DOCK2: variants seen among roughly 807,000 people sequenced by gnomAD.
The protein encoded by DOCK2 is dedicator of cytokinesis 2.
In DOCK2, 87 loss-of-function variants were observed where a neutral mutation model predicts 248.9. The ratio of observed to expected loss-of-function variants is 0.35; its 90% confidence interval spans 0.29 to 0.42. The LOEUF is 0.42. Ranked by LOEUF, DOCK2 falls within the 10% of genes least tolerant of loss-of-function variation. The pLI is 1.00. For missense variants in DOCK2, 1,747 were observed against 2,300.2 expected, an observed-to-expected ratio of 0.76 and a Z score of 4.92; for synonymous variants, 805 against 821.6, an observed-to-expected ratio of 0.98 and a Z score of 0.35.
chr5:170,065,123 G>T (rs1187792408), intron 44 of DOCK2, among the ~76,000 whole-genome samples: 1 of 152,136 alleles, frequency 6.6e-6, no homozygotes, highest in African/African-American at 2.4e-5. Context: ...TAAAACATGG[G>T]AGGAGAGGGA....
chr5:169,740,164 A>ATTACC (rs758927337), intron 22 of DOCK2, among the ~76,000 whole-genome samples: 40 of 152,366 alleles, frequency 2.6e-4, no homozygotes, highest in Non-Finnish European at 4.4e-4. Context: ...AGTTCTTTTC[A>ATTACC]GGCTTTTTCC....
At chr5:169,673,768 T>C (rs1195680146) in intron 5 of DOCK2, among the ~76,000 whole-genome samples, 1 of 152,178 alleles carries the variant, frequency 6.6e-6, no homozygotes, top group Non-Finnish European at 1.5e-5. Flanking sequence ...AACTGCAACT[T>C]TCTCTTTCCC....
Position 169,832,046 on chromosome 5 carries a change from A to G in DOCK2, c.2704-8711A>G, listed in dbSNP as rs542367247. Among the ~76,000 whole-genome samples the G allele has an allele frequency of 5.3e-5, 8 of 152,308 alleles. No individual in the cohort carries two copies. In the East Asian group the frequency reaches 1.5e-3, roughly 29 times the overall value. ...ACTTCTGATCATGGAAGGAGCATGCAATTAGGCAGAAATGAGCTTAGGTTC... is the reference window on the plus strand; with the variant it reads ...ACTTCTGATCATGGAAGGAGCATGCGATTAGGCAGAAATGAGCTTAGGTTC... On this transcript the variant is annotated intron_variant, in intron 26 of 51. Transcript: ENST00000520908.
chr5:169,798,381 C>T (rs1232291547), intron 25 of DOCK2, among the ~76,000 whole-genome samples: 5 of 152,118 alleles, frequency 3.3e-5, no homozygotes, highest in East Asian at 1.9e-4. Context: ...CAGACTTTCC[C>T]GTGAAAAATC....
intron 25 of DOCK2, among the ~76,000 whole-genome samples, chr5:169,788,779 A>C (rs1030357539): frequency 1.3e-5 from 2 of 152,220 alleles, no homozygotes; most frequent in African/African-American, 4.8e-5. Flanking sequence ...ATTTCATAGG[A>C]GTACAATTGT....
chr5:170,064,438 T>C (rs892923418), intron 44 of DOCK2, among the ~76,000 whole-genome samples: 3 of 151,426 alleles, frequency 2.0e-5, no homozygotes, highest in Admixed American at 6.6e-5. Context: ...ACAGAAATCA[T>C]AGAGCTTAGG....
At chr5:169,736,359 GT>G (rs1763042838) in intron 22 of DOCK2, among the ~76,000 whole-genome samples, 1 of 152,214 alleles carries the variant, frequency 6.6e-6, no homozygotes, top group Admixed American at 6.5e-5. Context: ...AAGCTCACCT[GT>G]TTGGGTCAGG....
At chr5:169,761,704 A>G in intron 25 of DOCK2, 79 bp downstream of exon 25, 1 of 1,170,794 alleles carries the variant, frequency 8.5e-7, no homozygotes, top group Non-Finnish European at 1.3e-6. Context: ...TTGGCAGGAG[A>G]GGGCAACCTG....
intron 27 of DOCK2, among the ~76,000 whole-genome samples, chr5:169,872,500 C>T (rs1040550415): frequency 6.6e-6 from 1 of 152,214 alleles, no homozygotes; most frequent in African/African-American, 2.4e-5. Context: ...GGCAAGTCTA[C>T]CCCTTCTCCT....
chr5:169,747,988 G>A (rs1311855556), intron 23 of DOCK2, among the ~76,000 whole-genome samples: 1 of 152,206 alleles, frequency 6.6e-6, no homozygotes, highest in African/African-American at 2.4e-5. Flanking sequence ...TTGGGAAGGA[G>A]TTGAGCAGCT....
chr5:169,754,242 C>T (rs1764069983), intron 23 of DOCK2, among the ~76,000 whole-genome samples: 1 of 152,178 alleles, frequency 6.6e-6, no homozygotes, highest in Non-Finnish European at 1.5e-5. Context: ...TATGTTTAAA[C>T]ACTTGCCGTT....
intron 26 of DOCK2, among the ~76,000 whole-genome samples, chr5:169,828,839 G>A (rs921779439): frequency 6.6e-6 from 1 of 152,156 alleles, no homozygotes; most frequent in African/African-American, 2.4e-5. Flanking sequence ...TAAAATCATG[G>A]CGATTACTTA....
At chr5:169,725,817 C>T (rs1342063211) in intron 22 of DOCK2, among the ~76,000 whole-genome samples, 2 of 152,136 alleles carry the variant, frequency 1.3e-5, no homozygotes, top group Non-Finnish European at 2.9e-5. Context: ...TCATTCATGT[C>T]CCTGCAAAGG....
chr5:169,669,224 A>T, intron 2 of DOCK2, 64 bp from the exon 3 acceptor site: 1 of 1,603,114 alleles, frequency 6.2e-7, no homozygotes, highest in Middle Eastern at 1.7e-4. Flanking sequence ...AAAACAAAAC[A>T]GAAAAACACT....
chr5:169,892,137 T>C (rs1773332448), intron 27 of DOCK2, among the ~76,000 whole-genome samples: 1 of 152,174 alleles, frequency 6.6e-6, no homozygotes, highest in Non-Finnish European at 1.5e-5. Flanking sequence ...AAATCCAAGC[T>C]TAAGCACAAT....
At chr5:169,884,702 T>C (rs1772868004) in intron 27 of DOCK2, 1 of 152,450 alleles carries the variant, frequency 6.6e-6, no homozygotes. Context: ...GAAGTTCACA[T>C]GTGGGCACGG....
chr5:169,820,265 G>A (rs1259126573), intron 26 of DOCK2, among the ~76,000 whole-genome samples: 1 of 152,226 alleles, frequency 6.6e-6, no homozygotes, highest in Admixed American at 6.5e-5. Context: ...CAGCTTTGAA[G>A]AGAGTAGTGG....
rs1447065402 is a variant in DOCK2, at chr5:169,879,205, T to A, written c.2799+38353T>A. Among the ~76,000 whole-genome samples the A allele has an allele frequency of 2.6e-5, 4 of 152,198 alleles. No individual in the cohort carries two copies. The East Asian group carries it at 7.7e-4, about 29-fold the overall frequency. The stretch of plus-strand genomic sequence containing the variant: ...CAATCCATCATGCGCTGGATCATGC[T>A]GCTTTATGTACAGTGACATGCACTG... On this transcript the variant is annotated intron_variant, in intron 27 of 51. Transcript: ENST00000520908.
At chr5:169,948,032 C>A (rs1776514694) in intron 27 of DOCK2, among the ~76,000 whole-genome samples, 1 of 152,142 alleles carries the variant, frequency 6.6e-6, no homozygotes, top group South Asian at 2.1e-4. Context: ...TGGGGCTGAT[C>A]CTACCTTCAG....
Sources: gnomAD v4.1 joint callset for allele counts (sites outside exome capture counted in the v4.1 genomes callset) on GRCh38, gnomAD v4.1.1 for gene constraint, MANE v1.5 for transcripts, NCBI Gene and HGNC (gene_info 2026-07-23, HGNC 2026-07-21) for gene names.